The following TTC34 variants were observed in gnomAD, a reference collection of about 807,000 sequenced individuals.
TTC34 encodes tetratricopeptide repeat domain 34.
A neutral mutation model predicts 40.7 loss-of-function variants in TTC34; 44 were observed. The observed-to-expected ratio is 1.08, with a 90% CI of 0.85 to 1.39. The LOEUF (loss-of-function observed/expected upper bound fraction) is 1.39. TTC34 is among the 40% of genes most tolerant of loss of function. The pLI is 0.00. For missense variants in TTC34, 884 were observed against 838.0 expected, an observed-to-expected ratio of 1.05 and a Z score of -0.68; for synonymous variants, 422 against 398.6, an observed-to-expected ratio of 1.06 and a Z score of -0.70.
At chr1:2,699,313 A>C (rs1174703996) in intron 6 of TTC34, among the ~76,000 whole-genome samples, 189 of 85,084 alleles carry the variant, frequency 2.2e-3, no homozygotes, top group Middle Eastern at 9.4e-3. Flanking sequence ...ATCTGACCGC[A>C]TGGAGCAGCA....
At chr1:2,683,782 C>A (rs1481049585) in intron 6 of TTC34, among the ~76,000 whole-genome samples, 2 of 143,694 alleles carry the variant, frequency 1.4e-5, no homozygotes, top group East Asian at 4.1e-4. Flanking sequence ...CAGGCTGGAG[C>A]AGCACGCACA....
At chr1:2,699,486 A>G (rs1260862095) in intron 6 of TTC34, among the ~76,000 whole-genome samples, 3 of 114,426 alleles carry the variant, frequency 2.6e-5, no homozygotes, top group East Asian at 3.0e-4. Flanking sequence ...CTGGAGCAGC[A>G]CCCACACACC....
At chr1:2,777,621 G>A (rs1016967881) in intron 6 of TTC34, among the ~76,000 whole-genome samples, 2 of 150,498 alleles carry the variant, frequency 1.3e-5, no homozygotes, top group African/African-American at 2.4e-5. Context: ...GAGCCCCAGC[G>A]CTGAGTCAGA....
chr1:2,752,125 C>G (rs1460219490), intron 6 of TTC34, among the ~76,000 whole-genome samples: 2 of 114,074 alleles, frequency 1.8e-5, no homozygotes, highest in Non-Finnish European at 3.5e-5. Context: ...GAGCAACACC[C>G]ACGCCCCCAG....
At chr1:2,772,898 C>G (rs550330451) in intron 6 of TTC34, among the ~76,000 whole-genome samples, 3 of 128,210 alleles carry the variant, frequency 2.3e-5, no homozygotes, top group Non-Finnish European at 3.5e-5. Flanking sequence ...AACCCCACAC[C>G]CCCAGGTGAG....
At chr1:2,750,155 A>C (rs1219640160) in intron 6 of TTC34, among the ~76,000 whole-genome samples, 211 of 94,192 alleles carry the variant, frequency 2.2e-3, no homozygotes, top group Middle Eastern at 0.01. Context: ...CGTGGAGCAG[A>C]ACAAACACCC....
chr1:2,647,727 G>C (rs1207379441), intron 6 of TTC34, among the ~76,000 whole-genome samples: 1 of 152,152 alleles, frequency 6.6e-6, no homozygotes, highest in African/African-American at 2.4e-5. Flanking sequence ...AAGTGATGCT[G>C]CCACTTCGCC....
chr1:2,787,392 G>A, intron 4 of TTC34, 89 bp downstream of exon 4: 1 of 1,246,168 alleles, frequency 8.0e-7, no homozygotes, highest in Non-Finnish European at 1.1e-6. Flanking sequence ...AGACTGTGGG[G>A]TCCAGCGCCA....
rs529732984 is a variant in TTC34 at position 2,699,997 on chromosome 1, G to A, written c.2227-54434C>T. Among the ~76,000 whole-genome samples, 6 of 109,398 alleles carry A rather than the reference G, an allele frequency of 5.5e-5. 1 individual carries two copies. In the East Asian group the frequency reaches 1.7e-3, roughly 31 times the overall value. The allele number at this position is 109,398 out of a possible 152,430, so 71.8% of individuals were successfully genotyped here. A position where few individuals can be genotyped will look rare whatever the true frequency, so the allele number is the denominator to read the frequency against. ...CCCCAAGGTGAGCATCTGACAGCCT[G>A]GAGCAGCGTCCACACCCCCAGGTGA... On this transcript the variant is annotated intron_variant, in intron 6 of 8. Coordinates refer to ENST00000401095, the Ensembl canonical transcript of TTC34.
At chr1:2,778,717 C>T (rs536423491) in intron 6 of TTC34, among the ~76,000 whole-genome samples, 1 of 152,192 alleles carries the variant, frequency 6.6e-6, no homozygotes, top group Admixed American at 6.5e-5. Context: ...CCACCCTCTT[C>T]TTTTTCCAAT....
At chr1:2,666,211 C>A (rs1257922045) in intron 6 of TTC34, among the ~76,000 whole-genome samples, 6 of 84,904 alleles carry the variant, frequency 7.1e-5, no homozygotes, top group African/African-American at 1.7e-4. Flanking sequence ...CACCCACACC[C>A]CCAGGTGAGC....
At chr1:2,781,322 C>T (rs952322261) in intron 6 of TTC34, among the ~76,000 whole-genome samples, 1 of 152,106 alleles carries the variant, frequency 6.6e-6, no homozygotes, top group Non-Finnish European at 1.5e-5. Flanking sequence ...TTCTTAATTC[C>T]CTTTTTAGAT....
At chr1:2,657,178 C>G (rs1289913018) in intron 6 of TTC34, among the ~76,000 whole-genome samples, 12 of 3,420 alleles carry the variant, frequency 3.5e-3, no homozygotes, top group African/African-American at 5.9e-3. Context: ...GCAGCACCCA[C>G]ACCCCCAGTT....
chr1:2,760,527 C>G (rs1166341262), intron 6 of TTC34, among the ~76,000 whole-genome samples: 2 of 47,662 alleles, frequency 4.2e-5, no homozygotes, highest in Non-Finnish European at 6.4e-5. Flanking sequence ...ACCCACACCC[C>G]CAGGTGAGCA....
At chr1:2,683,509 A>C (rs1640175563) in intron 6 of TTC34, among the ~76,000 whole-genome samples, 2 of 147,484 alleles carry the variant, frequency 1.4e-5, no homozygotes, top group African/African-American at 5.1e-5. Context: ...AACGGCACCC[A>C]CACCACCAGG....
At chr1:2,751,632 G>A (rs1227186599) in intron 6 of TTC34, among the ~76,000 whole-genome samples, 2 of 122,858 alleles carry the variant, frequency 1.6e-5, no homozygotes, top group Non-Finnish European at 3.3e-5. Context: ...CTGACGGCCT[G>A]GAACAGCACC....
chr1:2,783,910 C>T (rs1396403745), intron 5 of TTC34, 135 bp from the exon 6 acceptor site: 2 of 803,434 alleles, frequency 2.5e-6, no homozygotes, highest in Non-Finnish European at 3.6e-6. Context: ...GGCCACTGGG[C>T]ACCAAGACAG....
chr1:2,753,223 T>G (rs1362992712), intron 6 of TTC34, among the ~76,000 whole-genome samples: 7 of 83,526 alleles, frequency 8.4e-5, no homozygotes, highest in Admixed American at 1.3e-4. Context: ...CACCCACAGG[T>G]GAGCATCTGA....
At chr1:2,777,485 G>T (rs1643274383) in intron 6 of TTC34, among the ~76,000 whole-genome samples, 1 of 151,756 alleles carries the variant, frequency 6.6e-6, no homozygotes, top group Non-Finnish European at 1.5e-5. Flanking sequence ...CCTGGAATAT[G>T]TGCTGTCCTT....
Sources: gnomAD v4.1 joint callset for allele counts (sites outside exome capture counted in the v4.1 genomes callset) on GRCh38, gnomAD v4.1.1 for gene constraint, MANE v1.5 for transcripts, NCBI Gene and HGNC (gene_info 2026-07-23, HGNC 2026-07-21) for gene names.